Variants in LNX1 observed in about 807,000 individuals in gnomAD.
LNX1 encodes the protein E3 ubiquitin-protein ligase LNX.
Under a neutral mutation model 68.4 loss-of-function variants are expected in LNX1, and 54 were observed. That is an observed-to-expected ratio of 0.79 (90% CI 0.63 to 0.99). The LOEUF (loss-of-function observed/expected upper bound fraction) is 0.99. Among genes scored for constraint, LNX1 ranks in the 50% least tolerant of loss-of-function variants. The pLI is 0.00. For synonymous variants in LNX1, 336 were observed against 350.0 expected, an observed-to-expected ratio of 0.96 and a Z score of 0.45; for missense variants, 906 against 926.4, an observed-to-expected ratio of 0.98 and a Z score of 0.29.
At chr4:53,632,142 T>C (rs1288260444) in intron 1 of LNX1, among the ~76,000 whole-genome samples, 2 of 151,998 alleles carry the variant, frequency 1.3e-5, no homozygotes, top group African/African-American at 4.8e-5. Flanking sequence ...TGAGGAGACC[T>C]CCCCCAGCAT....
chr4:53,629,714 A>T (rs1243710689), intron 1 of LNX1, among the ~76,000 whole-genome samples: 1 of 152,178 alleles, frequency 6.6e-6, no homozygotes, highest in Non-Finnish European at 1.5e-5. Context: ...TTTTAGGGTA[A>T]TCAGAGGTGG....
chr4:53,548,437 C>A (rs1729261646), intron 2 of LNX1, among the ~76,000 whole-genome samples: 1 of 152,080 alleles, frequency 6.6e-6, no homozygotes, highest in Non-Finnish European at 1.5e-5. Context: ...ATATAGATAA[C>A]TATACATAAG....
At chr4:53,532,684 G>A (rs28502573) in intron 2 of LNX1, among the ~76,000 whole-genome samples, 31,570 of 152,078 alleles carry the variant, frequency 0.21, 3,509 homozygotes, top group Admixed American at 0.27. Flanking sequence ...TCCAACCACA[G>A]GAGACAGACT....
intron 6 of LNX1, among the ~76,000 whole-genome samples, chr4:53,485,728 T>C (rs1190348275): frequency 2.6e-5 from 4 of 152,314 alleles, no homozygotes; most frequent in Non-Finnish European, 4.4e-5. Context: ...CTGGATTCAA[T>C]GCAGAGAAAC....
chr4:53,506,570 T>C (rs1725884942), intron 4 of LNX1, among the ~76,000 whole-genome samples: 1 of 151,674 alleles, frequency 6.6e-6, no homozygotes, highest in Non-Finnish European at 1.5e-5. Context: ...GGAATAGGAG[T>C]GGCGCCAGGT....
chr4:53,497,152 G>A (rs1478539942), intron 5 of LNX1, among the ~76,000 whole-genome samples: 4 of 152,268 alleles, frequency 2.6e-5, no homozygotes, highest in Non-Finnish European at 4.4e-5. Flanking sequence ...GCTTAAGCTC[G>A]GCCCTCTCAT....
At chr4:53,627,284 G>A (rs1192126990) in intron 1 of LNX1, among the ~76,000 whole-genome samples, 1 of 152,064 alleles carries the variant, frequency 6.6e-6, no homozygotes, top group East Asian at 1.9e-4. Flanking sequence ...CTCTTTTCAC[G>A]GCCTTTGAAG....
chr4:53,554,279 C>T (rs1016187031), intron 2 of LNX1, among the ~76,000 whole-genome samples: 8 of 152,196 alleles, frequency 5.3e-5, no homozygotes, highest in Non-Finnish European at 1.2e-4. Flanking sequence ...TCTCATTTGC[C>T]AGTTCTGGGT....
At chr4:53,641,461 C>T (rs1172012062) in intron 1 of LNX1, among the ~76,000 whole-genome samples, 1 of 152,230 alleles carries the variant, frequency 6.6e-6, no homozygotes, top group Non-Finnish European at 1.5e-5. Context: ...GCTACAACCT[C>T]TGTGCTCAGC....
chr4:53,625,204 A>C (rs1341619200), intron 1 of LNX1, among the ~76,000 whole-genome samples: 10 of 152,190 alleles, frequency 6.6e-5, no homozygotes, highest in Admixed American at 2.6e-4. Flanking sequence ...AAGCACAAAC[A>C]GAAGAAAAAA....
At chr4:53,509,956 A>C (rs1206248662) in intron 2 of LNX1, among the ~76,000 whole-genome samples, 3 of 152,226 alleles carry the variant, frequency 2.0e-5, no homozygotes, top group African/African-American at 4.8e-5. Flanking sequence ...TTCAGTACTA[A>C]AATGAAAAGT....
intron 1 of LNX1, among the ~76,000 whole-genome samples, chr4:53,646,145 GTCTTA>G (rs1734876035): frequency 6.6e-6 from 1 of 152,074 alleles, no homozygotes; most frequent in African/African-American, 2.4e-5. Context: ...ATTTCTATTG[GTCTTA>G]TCATCCTATT....
intron 1 of LNX1, among the ~76,000 whole-genome samples, chr4:53,633,608 G>A (rs1300224519): frequency 1.3e-5 from 2 of 152,140 alleles, no homozygotes; most frequent in Non-Finnish European, 2.9e-5. Flanking sequence ...TCAGGGGGCT[G>A]GTTTGTGGCT....
intron 4 of LNX1, among the ~76,000 whole-genome samples, chr4:53,502,510 C>CT (rs370692048): frequency 1.3e-5 from 2 of 152,132 alleles, no homozygotes; most frequent in African/African-American, 4.8e-5. Flanking sequence ...TTGTTGTAAT[C>CT]TTTTTGCTGG....
At chr4:53,508,274 G>T in intron 2 of LNX1, 47 bp from the exon 3 acceptor site, 1 of 1,595,224 alleles carries the variant, frequency 6.3e-7, no homozygotes, top group Non-Finnish European at 8.6e-7. Context: ...TGGCTCTGCT[G>T]CCATTCCTCA....
chr4:53,520,977 C>A (rs1339233584), intron 2 of LNX1, among the ~76,000 whole-genome samples: 1 of 152,110 alleles, frequency 6.6e-6, no homozygotes, highest in Non-Finnish European at 1.5e-5. Flanking sequence ...AACAAAAAAA[C>A]CCCAAATTAT....
At chr4:53,527,296 G>A (rs559062892) in intron 2 of LNX1, among the ~76,000 whole-genome samples, 9 of 152,072 alleles carry the variant, frequency 5.9e-5, no homozygotes, top group Non-Finnish European at 1.2e-4. Flanking sequence ...CTAAGACAAG[G>A]ATTATTTATT....
chr4:53,537,756 C>A (rs1464216121), intron 2 of LNX1, among the ~76,000 whole-genome samples: 2 of 152,224 alleles, frequency 1.3e-5, no homozygotes, highest in Non-Finnish European at 2.9e-5. Context: ...CCTACCCAAA[C>A]CACACCCTGT....
intron 6 of LNX1, among the ~76,000 whole-genome samples, chr4:53,491,273 GAA>G (rs11305648): frequency 0.38 from 54,958 of 144,700 alleles, 10,258 homozygotes; most frequent in South Asian, 0.6. Flanking sequence ...TTCAAAGTGA[GAA>G]AAAAAAAAAA....
Sources: allele counts gnomAD v4.1 joint callset (sites outside exome capture counted in the v4.1 genomes callset), GRCh38; gene constraint gnomAD v4.1.1; transcripts MANE v1.5; gene names NCBI Gene and HGNC (gene_info 2026-07-23, HGNC 2026-07-21).